Variants in UST observed in about 807,000 individuals in gnomAD.
The protein encoded by UST is uronyl 2-sulfotransferase, also known as chondroitin sulfate 2-O-sulfotransferase.
In UST, 21 loss-of-function variants were observed where a neutral mutation model predicts 45.6. The observed-to-expected ratio is 0.46, with a 90% confidence interval of 0.33 to 0.66. UST has a LOEUF of 0.66. Among genes scored for constraint, UST ranks in the 30% least tolerant of loss-of-function variants. The pLI is 0.02. For missense variants in UST, 463 were observed against 512.4 expected, an observed-to-expected ratio of 0.90 and a Z score of 0.93; for synonymous variants, 215 against 200.6, an observed-to-expected ratio of 1.07 and a Z score of -0.61.
intron 2 of UST, among the ~76,000 whole-genome samples, chr6:148,899,372 T>G (rs1052521061): frequency 6.6e-6 from 1 of 152,362 alleles, no homozygotes; most frequent in African/African-American, 2.4e-5. Flanking sequence ...GTGCTGGGAT[T>G]ACAGGCGTGA....
intron 1 of UST, among the ~76,000 whole-genome samples, chr6:148,761,578 G>C (rs1435077731): frequency 6.6e-6 from 1 of 151,894 alleles, no homozygotes; most frequent in Admixed American, 6.6e-5. Context: ...TCAAGAGGAA[G>C]TTATTTTTAC....
At chr6:148,844,861 A>G (rs1348317578) in intron 1 of UST, among the ~76,000 whole-genome samples, 1 of 151,980 alleles carries the variant, frequency 6.6e-6, no homozygotes, top group African/African-American at 2.4e-5. Flanking sequence ...GTTACCTCCC[A>G]CTTACAGGTG....
intron 4 of UST, among the ~76,000 whole-genome samples, chr6:148,960,314 C>T (rs573747306): frequency 6.6e-5 from 10 of 152,264 alleles, no homozygotes; most frequent in Admixed American, 3.9e-4. Flanking sequence ...AGCTCTACCC[C>T]TCTCCGCCTC....
intron 2 of UST, among the ~76,000 whole-genome samples, chr6:148,928,182 T>G (rs896079785): frequency 2.0e-5 from 3 of 152,118 alleles, no homozygotes; most frequent in African/African-American, 7.2e-5. Flanking sequence ...AGATCAGCAA[T>G]AGACTCTTAA....
chr6:148,978,557 C>A (rs1444786314), intron 5 of UST, among the ~76,000 whole-genome samples: 1 of 152,004 alleles, frequency 6.6e-6, no homozygotes, highest in Non-Finnish European at 1.5e-5. Flanking sequence ...TCATCCTCAG[C>A]AAACTAACAC....
intron 1 of UST, among the ~76,000 whole-genome samples, chr6:148,873,468 C>T (rs975611000): frequency 6.6e-6 from 1 of 152,184 alleles, no homozygotes; most frequent in African/African-American, 2.4e-5. Context: ...AAGTACACAT[C>T]TAGCTGGGGG....
chr6:148,823,098 T>G (rs1029414487), intron 1 of UST, among the ~76,000 whole-genome samples: 1 of 152,182 alleles, frequency 6.6e-6, no homozygotes, highest in Non-Finnish European at 1.5e-5. Context: ...ATAATTTCCT[T>G]TAGTTTTAGA....
At chr6:148,929,865 T>A (rs1284655480) in intron 2 of UST, among the ~76,000 whole-genome samples, 1 of 152,128 alleles carries the variant, frequency 6.6e-6, no homozygotes, top group Admixed American at 6.5e-5. Flanking sequence ...ATGAATTTTG[T>A]ATGGTGTGTT....
intron 1 of UST, among the ~76,000 whole-genome samples, chr6:148,780,429 C>T (rs1562255247): frequency 6.6e-6 from 1 of 152,098 alleles, no homozygotes; most frequent in Non-Finnish European, 1.5e-5. Context: ...GTTTCTCTCC[C>T]TCCTCCCACT....
At chr6:149,046,537 A>C (rs1217590329) in intron 7 of UST, among the ~76,000 whole-genome samples, 1 of 152,242 alleles carries the variant, frequency 6.6e-6, no homozygotes, top group Non-Finnish European at 1.5e-5. Context: ...GTCAGTAGAC[A>C]TGGGTTTGAA....
At chr6:148,841,585 TTG>T (rs66464103) in intron 1 of UST, among the ~76,000 whole-genome samples, 27,167 of 146,962 alleles carry the variant, frequency 0.18, 2,728 homozygotes, top group African/African-American at 0.26. Flanking sequence ...TGTTTTGTTT[TTG>T]TTTTTTTTTT....
chr6:148,822,173 ATAT>A (rs1777479581), intron 1 of UST, among the ~76,000 whole-genome samples: 1 of 152,166 alleles, frequency 6.6e-6, no homozygotes, highest in African/African-American at 2.4e-5. Context: ...AGATAGAAAA[ATAT>A]TTGAGTGTAT....
At chr6:149,065,483 G>A (rs1776718093) in intron 7 of UST, among the ~76,000 whole-genome samples, 1 of 151,986 alleles carries the variant, frequency 6.6e-6, no homozygotes, top group South Asian at 2.1e-4. Flanking sequence ...ACCACCTCTG[G>A]TCTTTCCATA....
chr6:149,024,867 T>G (rs1776027963), intron 7 of UST, among the ~76,000 whole-genome samples: 1 of 152,200 alleles, frequency 6.6e-6, no homozygotes, highest in South Asian at 2.1e-4. Flanking sequence ...GTAGATTAAC[T>G]AACCATCTGA....
At chr6:148,979,047 A>C (rs1781079165) in intron 5 of UST, among the ~76,000 whole-genome samples, 1 of 152,162 alleles carries the variant, frequency 6.6e-6, no homozygotes, top group Non-Finnish European at 1.5e-5. Context: ...GAAAAAGACA[A>C]AGATTATCAT....
At chr6:149,024,212 A>G (rs1191794651) in intron 7 of UST, among the ~76,000 whole-genome samples, 1 of 152,190 alleles carries the variant, frequency 6.6e-6, no homozygotes, top group Non-Finnish European at 1.5e-5. Flanking sequence ...CTTTTCCAAC[A>G]GTGATGTAAC....
At chr6:148,961,636 T>C (rs1353610137) in intron 4 of UST, among the ~76,000 whole-genome samples, 1 of 152,224 alleles carries the variant, frequency 6.6e-6, no homozygotes, top group East Asian at 1.9e-4. Flanking sequence ...TGTTAAATAT[T>C]GGCTGAGTAT....
At position 149,074,131 on chromosome 6, in the gene UST, C is replaced by T. The variant is rs1776857535; in HGVS notation, c.*15C>T. 1 of 1,608,182 alleles carries T rather than the reference C, an allele frequency of 6.2e-7. No individual in the cohort carries two copies. Among genetic ancestry groups the T allele is most frequent in the Non-Finnish European group, 8.5e-7 (1 of 1,175,560 alleles). On this transcript the variant is annotated 3_prime_UTR_variant, in exon 8 of 8. Transcript: ENST00000367463. The stretch of plus-strand genomic sequence containing the variant: ...ATAAGAGGTGATGTGACTGTGTTGC[C>T]TCTATGGCTTTATCTCCCTTTTCCA...
chr6:148,992,999 T>C, intron 5 of UST: 1 of 985,434 alleles, frequency 1.0e-6, no homozygotes, highest in Non-Finnish European at 1.2e-6. Flanking sequence ...TTTGGGCGGC[T>C]CAGCATTCAA....
Sources: gnomAD v4.1 joint callset for allele counts (sites outside exome capture counted in the v4.1 genomes callset) on GRCh38, gnomAD v4.1.1 for gene constraint, MANE v1.5 for transcripts, NCBI Gene and HGNC (gene_info 2026-07-23, HGNC 2026-07-21) for gene names.